TG: variants seen among roughly 807,000 people sequenced by gnomAD.
The protein encoded by TG is thyroid hormones.
TG carries 270 observed loss-of-function variants against 324.7 expected under a neutral mutation model. That is an observed-to-expected ratio of 0.83 (90% CI 0.75 to 0.92). The LOEUF (loss-of-function observed/expected upper bound fraction) is 0.92, where lower values mean the gene tolerates loss of function less well. Among genes scored for constraint, TG ranks in the 40% least tolerant of loss-of-function variants. The probability of loss-of-function intolerance (pLI) is 0.00; values close to 1 mark genes in which losing one functional copy is unlikely to be tolerated. For synonymous variants in TG, 1,401 were observed against 1,327.0 expected, an observed-to-expected ratio of 1.06 and a Z score of -1.21; for missense variants, 3,591 against 3,456.4, an observed-to-expected ratio of 1.04 and a Z score of -0.98.
chr8:132,888,206 C>A lies in TG; in HGVS notation c.2399C>A (p.Ala800Asp). The change falls in exon 10 of 48, where the codon GCC becomes GAC. Residue 800 changes from alanine (A) to aspartate (D), a missense_variant. Coordinates refer to ENST00000220616, the MANE Select transcript of TG (RefSeq NM_003235.5). ...AACAAGGGCCAGGATCTGACGCCTG[C>A]CAAGCTGCTAGTGAAGATCATGAGC... ...AQNKGQDLTPAKLLVKIMSYR... is the reference protein window; with the variant it reads ...AQNKGQDLTPDKLLVKIMSYR... The A allele has an allele frequency of 6.2e-7, 1 of 1,614,208 alleles. No homozygotes were observed. Among genetic ancestry groups the A allele is most frequent in the South Asian group, 1.1e-5 (1 of 91,078 alleles).
intron 11 of TG, among the ~76,000 whole-genome samples, chr8:132,895,363 A>G (rs1816941929): frequency 6.6e-6 from 1 of 152,204 alleles, no homozygotes; most frequent in Non-Finnish European, 1.5e-5. Context: ...CAGGCACTCC[A>G]GGGTGTCTAT....
intron 41 of TG, among the ~76,000 whole-genome samples, chr8:133,031,691 G>GCATT (rs1284629282): frequency 7.9e-5 from 12 of 152,154 alleles, no homozygotes; most frequent in Admixed American, 1.3e-4. Context: ...ACTGATGCTA[G>GCATT]GTCAGCATTG....
In TG at chr8:132,872,241, G is replaced by A. The variant is rs191213937; in HGVS notation, c.478+690G>A. Among the ~76,000 whole-genome samples, 469 of 152,096 alleles carry A rather than the reference G, an allele frequency of 3.1e-3. 14 individuals are homozygous for A. In the South Asian group the frequency reaches 0.043, roughly 14 times the overall value. On this transcript the variant is annotated intron_variant, in intron 4 of 47. Coordinates refer to ENST00000220616, the MANE Select transcript of TG (RefSeq NM_003235.5). Reference sequence around the variant, plus strand: ...CGCCTGTAATCCCAGCACTTTGGGAGGCCGAGGCGGGCGGATCACGAGGTC... The same window carrying A: ...CGCCTGTAATCCCAGCACTTTGGGAAGCCGAGGCGGGCGGATCACGAGGTC...
At chr8:132,925,857 G>A (rs1821797033) in intron 22 of TG, among the ~76,000 whole-genome samples, 1 of 152,188 alleles carries the variant, frequency 6.6e-6, no homozygotes, top group Admixed American at 6.5e-5. Flanking sequence ...ATTCTGCCCA[G>A]TGTTCAGGGC....
intron 41 of TG, chr8:133,038,202 G>A (rs1018536555): frequency 3.9e-5 from 14 of 361,840 alleles, no homozygotes; most frequent in Non-Finnish European, 4.1e-5. Flanking sequence ...AGCAGTCCTG[G>A]TGCCCTTTCT....
intron 41 of TG, among the ~76,000 whole-genome samples, chr8:133,084,738 C>A (rs1485521298): frequency 1.3e-5 from 2 of 152,226 alleles, no homozygotes; most frequent in East Asian, 1.9e-4. Context: ...CCGGGAGAGA[C>A]CCCTTAGAGC....
rs1410039787 is a variant in TG, at chr8:132,917,079, T to TTCCTTCCC, written c.4379-2295_4379-2288dup. 2.5e-3 allele frequency among the ~76,000 whole-genome samples: 342 copies of TTCCTTCCC among 136,834 alleles called. 1 individual carries two copies. Among genetic ancestry groups the TTCCTTCCC allele is most frequent in the Non-Finnish European group, 3.8e-3 (243 of 63,838 alleles). The allele number at this position is 136,834 out of a possible 152,430, so 89.8% of individuals were successfully genotyped here. A position where few individuals can be genotyped will look rare whatever the true frequency, so the allele number is the denominator to read the frequency against. On this transcript the variant is annotated intron_variant, in intron 20 of 47. Transcript: ENST00000220616. ...CTTCCTTCCTTCCTTCCTTCCTTCC[T>TTCCTTCCC]TCCTTCCCTTACTTCCTTTTTTTCT...
At position 133,075,463 on chromosome 8, in the gene TG, T is replaced by C. The variant is rs555131157; in HGVS notation, c.7240-19581T>C. Among the ~76,000 whole-genome samples the C allele has an allele frequency of 1.1e-4, 16 of 152,322 alleles. No homozygotes were observed. In the South Asian group the frequency reaches 3.3e-3, roughly 32 times the overall value. ...AATGTGTGCGTCAAGGGAAAAAAAC[T>C]AGAAAGAACATTATGAGATGGCAGT... On this transcript the variant is annotated intron_variant, in intron 41 of 47. Transcript: ENST00000220616.
At chr8:132,959,196 C>T (rs754460076) in intron 27 of TG, among the ~76,000 whole-genome samples, 5 of 152,158 alleles carry the variant, frequency 3.3e-5, no homozygotes, top group Admixed American at 6.5e-5. Context: ...GGAGACTTGT[C>T]ACTTTGAGAG....
intron 24 of TG, 79 bp from the exon 25 acceptor site, chr8:132,935,676 TG>T (rs1287436534): frequency 1.0e-5 from 13 of 1,275,616 alleles, no homozygotes; most frequent in Non-Finnish European, 1.5e-5. Context: ...TGCCTAGCCA[TG>T]GTTAGGGTTG....
chr8:133,010,032 T>C (rs1479184357), intron 35 of TG, among the ~76,000 whole-genome samples: 1 of 152,212 alleles, frequency 6.6e-6, no homozygotes, highest in Non-Finnish European at 1.5e-5. Context: ...TAAACTTCCC[T>C]GTATAGCTAA....
intron 35 of TG, chr8:133,003,067 G>GT: frequency 9.4e-7 from 1 of 1,064,176 alleles, no homozygotes; most frequent in Non-Finnish European, 1.1e-6. Context: ...TTCCCTTTGT[G>GT]TTTGTCATTT....
chr8:132,929,223 A>G lies in TG; in HGVS notation c.4816+31A>G, dbSNP rs374570071. The G allele has an allele frequency of 3.2e-6, 5 of 1,540,932 alleles. No homozygotes were observed. The South Asian group carries it at 3.3e-5, about 10-fold the overall frequency. On this transcript the variant is annotated intron_variant, in intron 23 of 47. Transcript: ENST00000220616. ...GAGTGGTGGGGAGATATGCACTCAG[A>G]AGAAGGTGTGGAAATAAGCTCTGCT...
chr8:132,956,687 C>T (rs1826925371), intron 27 of TG, among the ~76,000 whole-genome samples: 1 of 152,106 alleles, frequency 6.6e-6, no homozygotes, highest in Non-Finnish European at 1.5e-5. Flanking sequence ...AGCCAGATTG[C>T]AAGGAACTGA....
intron 43 of TG, among the ~76,000 whole-genome samples, chr8:133,104,038 T>G (rs1309335091): frequency 2.0e-5 from 3 of 151,912 alleles, no homozygotes; most frequent in Non-Finnish European, 4.4e-5. Flanking sequence ...TCGGAGGAGG[T>G]GACTTCTGGA....
intron 41 of TG, among the ~76,000 whole-genome samples, chr8:133,067,223 T>G (rs1843163449): frequency 6.6e-6 from 1 of 152,108 alleles, no homozygotes; most frequent in Admixed American, 6.5e-5. Flanking sequence ...CCGAGGCCAC[T>G]TACCCCGTGA....
intron 20 of TG, 58 bp from the exon 21 acceptor site, chr8:132,919,318 A>C: frequency 6.4e-7 from 1 of 1,568,312 alleles, no homozygotes. Flanking sequence ...GTGTTCTGGG[A>C]TTGTAACTGT....
At chr8:132,882,356 AT>A in intron 6 of TG, 112 bp from the exon 7 acceptor site, 1 of 1,253,412 alleles carries the variant, frequency 8.0e-7, no homozygotes, top group East Asian at 2.3e-5. Context: ...GTTCAGACTT[AT>A]TGCCTAATGA....
rs778359953 is a variant in TG, at chr8:133,131,928, C to G, written c.7979C>G (p.Ser2660Cys). Residue 2660 changes from serine to cysteine, a missense_variant, in exon 46 of 48, where the codon TCC becomes TGC. Ser to Cys is a moderately radical substitution (Grantham distance 112, BLOSUM62 -1). Transcript: ENST00000220616. ...SLSLKIMQYF[S>C]HFIRSGNPNY... The stretch of plus-strand genomic sequence containing the variant: ...TCGCTGAAAATCATGCAGTACTTTT[C>G]CCACTTCATCAGATCAGGGTAATTT... 7 of 1,613,964 alleles carry G rather than the reference C, an allele frequency of 4.3e-6. No homozygotes were observed. Among genetic ancestry groups the G allele is most frequent in the Non-Finnish European group, 8.5e-7 (1 of 1,180,036 alleles).
Sources: allele counts gnomAD v4.1 joint callset (sites outside exome capture counted in the v4.1 genomes callset), GRCh38; gene constraint gnomAD v4.1.1; transcripts MANE v1.5; gene names NCBI Gene and HGNC (gene_info 2026-07-23, HGNC 2026-07-21).